Variants in DPYD observed in about 807,000 individuals in gnomAD.
The protein encoded by DPYD is dihydropyrimidine dehydrogenase.
In DPYD, 109 loss-of-function variants were observed where a neutral mutation model predicts 116.2. The ratio of observed to expected loss-of-function variants is 0.94; its 90% CI spans 0.80 to 1.10. The LOEUF (loss-of-function observed/expected upper bound fraction) is 1.10. DPYD is among the 50% of genes least tolerant of loss of function. The pLI is 0.00. For synonymous variants in DPYD, 440 were observed against 432.0 expected (o/e 1.02, Z -0.23); for missense variants, 1,302 against 1,254.5 (o/e 1.04, Z -0.57).
chr1:97,496,952 C>A (rs1305297456), intron 13 of DPYD, among the ~76,000 whole-genome samples: 1 of 151,870 alleles, frequency 6.6e-6, no homozygotes, highest in Non-Finnish European at 1.5e-5. Context: ...TAAGAGCACT[C>A]TATTGCCATC....
intron 8 of DPYD, among the ~76,000 whole-genome samples, chr1:97,627,917 C>T (rs1017104115): frequency 1.3e-5 from 2 of 151,890 alleles, no homozygotes; most frequent in Non-Finnish European, 2.9e-5. Context: ...CCTTTTGAGC[C>T]ATGCTAAAGA....
chr1:97,390,603 A>C (rs1672638109), intron 14 of DPYD, among the ~76,000 whole-genome samples: 1 of 152,022 alleles, frequency 6.6e-6, no homozygotes. Flanking sequence ...GTCATAAATG[A>C]GACTAGTATG....
intron 3 of DPYD, among the ~76,000 whole-genome samples, chr1:97,822,226 C>T (rs1668976931): frequency 7.8e-6 from 1 of 128,354 alleles, no homozygotes; most frequent in Non-Finnish European, 1.7e-5. Flanking sequence ...TTTTGTTTCT[C>T]TCTCTCTCTC....
At chr1:97,817,139 G>A (rs1668663862) in intron 3 of DPYD, among the ~76,000 whole-genome samples, 1 of 152,036 alleles carries the variant, frequency 6.6e-6, no homozygotes, top group African/African-American at 2.4e-5. Flanking sequence ...ATTCACATAT[G>A]GTCTACAGAT....
At chr1:97,173,234 GCACACATATATGTACATATATGCA>G (rs1461951473) in intron 20 of DPYD, among the ~76,000 whole-genome samples, 16 of 106,352 alleles carry the variant, frequency 1.5e-4, no homozygotes, top group African/African-American at 5.1e-4. Flanking sequence ...ACATATATGC[GCACACATATATGTACATATATGCA>G]CACATATGTA....
At chr1:97,833,651 T>C (rs1490121733) in intron 2 of DPYD, among the ~76,000 whole-genome samples, 2 of 152,076 alleles carry the variant, frequency 1.3e-5, no homozygotes, top group Non-Finnish European at 2.9e-5. Flanking sequence ...TGAGGTAATA[T>C]ATGTAAATCC....
At chr1:97,561,081 G>A (rs760800049) in intron 11 of DPYD, among the ~76,000 whole-genome samples, 2 of 152,148 alleles carry the variant, frequency 1.3e-5, no homozygotes, top group Non-Finnish European at 2.9e-5. Context: ...GTAGTAAGAA[G>A]TTTGTTACAA....
chr1:97,165,442 A>T (rs1656253844), intron 20 of DPYD, among the ~76,000 whole-genome samples: 1 of 152,150 alleles, frequency 6.6e-6, no homozygotes, highest in African/African-American at 2.4e-5. Flanking sequence ...TGGATTGAAG[A>T]CTTAAATGTA....
At chr1:97,169,055 C>T (rs772179739) in intron 20 of DPYD, among the ~76,000 whole-genome samples, 16 of 151,926 alleles carry the variant, frequency 1.1e-4, no homozygotes, top group Non-Finnish European at 2.1e-4. Context: ...ACCATGCTGG[C>T]CAGGCTAGTC....
chr1:97,421,382 G>A (rs552664931), intron 14 of DPYD, among the ~76,000 whole-genome samples: 80 of 152,158 alleles, frequency 5.3e-4, no homozygotes, highest in African/African-American at 1.9e-3. Context: ...AACGTGAAAA[G>A]TTTTGGGGCC....
At chr1:97,147,370 G>GAACA in intron 20 of DPYD, among the ~76,000 whole-genome samples, 1 of 130,928 alleles carries the variant, frequency 7.6e-6, no homozygotes, top group South Asian at 2.3e-4. Flanking sequence ...ACAAACAAAC[G>GAACA]AACAAACAAA....
chr1:97,442,254 T>C (rs1675839758), intron 14 of DPYD, among the ~76,000 whole-genome samples: 1 of 151,824 alleles, frequency 6.6e-6, no homozygotes. Context: ...GTGACCACTC[T>C]CCTTTATTGC....
chr1:97,740,232 T>C (rs745329249), intron 4 of DPYD, among the ~76,000 whole-genome samples, 160 bp downstream of exon 4: 15 of 152,144 alleles, frequency 9.9e-5, no homozygotes, highest in Non-Finnish European at 1.8e-4. Context: ...AACTTGGAAG[T>C]GCTTAATTAA....
chr1:97,557,258 C>A (rs1651802787), intron 11 of DPYD, among the ~76,000 whole-genome samples: 2 of 151,080 alleles, frequency 1.3e-5, no homozygotes, highest in African/African-American at 4.9e-5. Flanking sequence ...GGATATTAGC[C>A]CTTTGTCAGA....
chr1:97,204,239 A>G (rs1570664002), intron 19 of DPYD, among the ~76,000 whole-genome samples: 1 of 152,170 alleles, frequency 6.6e-6, no homozygotes, highest in East Asian at 1.9e-4. Context: ...TTTACTGTGT[A>G]TATGGAAAAA....
At chr1:97,763,080 G>A (rs1242314848) in intron 3 of DPYD, among the ~76,000 whole-genome samples, 2 of 151,980 alleles carry the variant, frequency 1.3e-5, no homozygotes, top group Non-Finnish European at 2.9e-5. Context: ...CAGCATGAAA[G>A]GTATTTCCTA....
intron 1 of DPYD, among the ~76,000 whole-genome samples, chr1:97,889,491 C>T (rs1000060503): frequency 2.0e-5 from 3 of 151,928 alleles, no homozygotes; most frequent in Non-Finnish European, 4.4e-5. Flanking sequence ...GAACAACAAA[C>T]TTTTAAAGAA....
intron 2 of DPYD, among the ~76,000 whole-genome samples, chr1:97,873,673 C>A (rs1017704613): frequency 3.3e-5 from 5 of 151,724 alleles, no homozygotes; most frequent in African/African-American, 9.7e-5. Context: ...GGATTATAAT[C>A]ATAATAATTA....
In DPYD at chr1:97,450,182, G is replaced by A. The variant is rs1165682447; in HGVS notation, c.1782C>T (p.Thr594=). Residue 594 remains threonine, a synonymous_variant, in exon 14 of 23, where the codon ACC becomes ACT. Coordinates refer to ENST00000370192, the MANE Select transcript of DPYD (RefSeq NM_000110.4). ...CAGGGCCATACATGGGGCCAGAGGT[G>A]GTTCCCCGGATGATTCTGGGGGAAA... ...TNVSPRIIRG[T]TSGPMYGPGQ... The A allele has an allele frequency of 1.2e-6, 2 of 1,613,646 alleles. No homozygotes were observed. Among genetic ancestry groups the A allele is most frequent in the African/African-American group, 2.7e-5 (2 of 74,874 alleles).
Sources: gnomAD v4.1 joint callset for allele counts (sites outside exome capture counted in the v4.1 genomes callset) on GRCh38, gnomAD v4.1.1 for gene constraint, MANE v1.5 for transcripts, NCBI Gene and HGNC (gene_info 2026-07-23, HGNC 2026-07-21) for gene names.